The following GALK2 variants were observed in gnomAD, a reference collection of about 807,000 sequenced individuals.
The protein encoded by GALK2 is galactokinase 2.
In GALK2, 36 loss-of-function variants were observed where a neutral mutation model predicts 52.4. The observed-to-expected ratio is 0.69, with a 90% CI of 0.53 to 0.91. The LOEUF (loss-of-function observed/expected upper bound fraction) is 0.91. Ranked by LOEUF, GALK2 falls within the 40% of genes least tolerant of loss-of-function variation. The probability of loss-of-function intolerance (pLI) is 0.00; values close to 1 mark genes in which losing one functional copy is unlikely to be tolerated. For synonymous variants in GALK2, 176 were observed against 199.1 expected (o/e 0.88, Z 0.98); for missense variants, 579 against 559.1 (o/e 1.04, Z -0.36).
chr15:49,320,662 A>G (rs1981995), intron 9 of GALK2, among the ~76,000 whole-genome samples: 62,744 of 152,108 alleles, frequency 0.41, 13,092 homozygotes, highest in African/African-American at 0.43. Flanking sequence ...TAAACCAAGT[A>G]ACTCCAGTGA....
At chr15:49,185,116 C>T (rs2086251797) in intron 1 of GALK2, among the ~76,000 whole-genome samples, 1 of 152,138 alleles carries the variant, frequency 6.6e-6, no homozygotes, top group Non-Finnish European at 1.5e-5. Context: ...TTTTTCAACC[C>T]ATACCCCACT....
chr15:49,351,580 T>TA (rs1482784893), intron 3 of GALK2, among the ~76,000 whole-genome samples: 1 of 152,206 alleles, frequency 6.6e-6, no homozygotes, highest in Non-Finnish European at 1.5e-5. Flanking sequence ...AACTAACACA[T>TA]ACACCGTCCC....
intron 5 of GALK2, among the ~76,000 whole-genome samples, chr15:49,250,388 G>T (rs2091538958): frequency 6.6e-6 from 1 of 152,148 alleles, no homozygotes; most frequent in South Asian, 2.1e-4. Flanking sequence ...TTTCATGAGA[G>T]TAAAAGATGT....
rs559006356 is a variant in GALK2, at chr15:49,346,116, T to G, written c.427-21375T>G. On this transcript the variant is annotated intron_variant, in intron 3 of 3. Coordinates refer to the GALK2 transcript ENST00000558399. ...TGCTGCTGAACACGAAACTTAACCT[T>G]TACTGGCTGCTTGATAGATACCATC... 9.2e-5 allele frequency among the ~76,000 whole-genome samples: 14 copies of G among 152,162 alleles called. 1 individual carries two copies. The highest frequency in any genetic ancestry group is 2.9e-4 in the African/African-American group (12 of 41,524).
chr15:49,163,710 T>G (rs1365296647), intron 1 of GALK2, among the ~76,000 whole-genome samples: 3 of 152,240 alleles, frequency 2.0e-5, no homozygotes, highest in Admixed American at 1.3e-4. Flanking sequence ...TACAATTATT[T>G]CCATTTATTC....
At chr15:49,156,195 C>A in intron 1 of GALK2, 1 of 634,350 alleles carries the variant, frequency 1.6e-6, no homozygotes, top group Non-Finnish European at 2.8e-6. Context: ...AGTTGAGTTG[C>A]CTTAAATCTT....
At chr15:49,325,571 G>A (rs2037336779) in intron 9 of GALK2, among the ~76,000 whole-genome samples, 1 of 152,212 alleles carries the variant, frequency 6.6e-6, no homozygotes, top group African/African-American at 2.4e-5. Flanking sequence ...TACCAGCAGG[G>A]AACACTGCAG....
At chr15:49,233,192 A>G (rs577227379) in intron 3 of GALK2, among the ~76,000 whole-genome samples, 2 of 152,330 alleles carry the variant, frequency 1.3e-5, no homozygotes, top group South Asian at 2.1e-4. Context: ...CAGGAAACTT[A>G]CAAGCATGGT....
At chr15:49,296,887 C>G (rs2141843898) in intron 8 of GALK2, among the ~76,000 whole-genome samples, 1 of 152,328 alleles carries the variant, frequency 6.6e-6, no homozygotes. Context: ...GCGTGAGCCA[C>G]TGCACCTGTC....
intron 1 of GALK2, among the ~76,000 whole-genome samples, chr15:49,182,403 C>T (rs1026506776): frequency 6.6e-6 from 1 of 152,164 alleles, no homozygotes; most frequent in Non-Finnish European, 1.5e-5. Flanking sequence ...TGTTGCTGGA[C>T]ACTTAGGTTG....
chr15:49,333,293 CTT>C (rs2039133790), downstream of GALK2, among the ~76,000 whole-genome samples: 1 of 152,128 alleles, frequency 6.6e-6, no homozygotes, highest in African/African-American at 2.4e-5. Flanking sequence ...ATGAGTATCT[CTT>C]TTGAAGATTA....
At chr15:49,233,055 A>G (rs761414407) in intron 3 of GALK2, among the ~76,000 whole-genome samples, 10 of 152,086 alleles carry the variant, frequency 6.6e-5, no homozygotes, top group Non-Finnish European at 1.0e-4. Context: ...CTTGTTACCA[A>G]TTTTCCATAT....
Position 49,254,091 on chromosome 15 carries a change from C to G in GALK2, c.504+14724C>G, listed in dbSNP as rs921887583. Among the ~76,000 whole-genome samples the G allele has an allele frequency of 1.6e-4, 23 of 144,722 alleles. 2 individuals carry two copies. Among genetic ancestry groups the G allele is most frequent in the African/African-American group, 5.7e-4 (23 of 40,378 alleles). The allele number at this position is 144,722 out of a possible 152,430, so 94.9% of individuals were successfully genotyped here. A position where few individuals can be genotyped will look rare whatever the true frequency, so the allele number is the denominator to read the frequency against. On this transcript the variant is annotated intron_variant, in intron 5 of 9. Coordinates refer to ENST00000560031, the MANE Select transcript of GALK2 (RefSeq NM_002044.4). Reference sequence around the variant, plus strand: ...TAAAGAGAGATGATTGTATCACTTTCTTATGAGCATCTTTACAGTGCCTGA... The same window carrying G: ...TAAAGAGAGATGATTGTATCACTTTGTTATGAGCATCTTTACAGTGCCTGA...
intron 3 of GALK2, among the ~76,000 whole-genome samples, chr15:49,230,906 A>C (rs566640206): frequency 6.6e-6 from 1 of 152,236 alleles, no homozygotes; most frequent in Non-Finnish European, 1.5e-5. Context: ...ATTGGTGGGA[A>C]AATGAGTGGT....
chr15:49,217,233 T>C lies in GALK2; in HGVS notation c.186T>C (p.Ala62=), dbSNP rs925099273. The change falls in exon 3 of 10, where the codon GCT becomes GCC. Residue 62 remains alanine (A), a synonymous_variant. Coordinates refer to ENST00000560031, the MANE Select transcript of GALK2 (RefSeq NM_002044.4). ...GTGGATATTCTGTTCTTCCTATGGC[T>C]GTAGAACAAGATGTGCTAATAGCTG... is the stretch of plus-strand genomic sequence containing the variant. The part of the protein sequence containing the change: ...DYCGYSVLPM[A]VEQDVLIAVE... 3 of 1,611,688 alleles carry C rather than the reference T, an allele frequency of 1.9e-6. No individual in the cohort carries two copies. The highest frequency in any genetic ancestry group is 1.3e-5 in the African/African-American group (1 of 74,890).
intron 1 of GALK2, among the ~76,000 whole-genome samples, chr15:49,182,568 T>C (rs2086056211): frequency 6.6e-6 from 1 of 152,204 alleles, no homozygotes; most frequent in Non-Finnish European, 1.5e-5. Flanking sequence ...ACCTCTCAAC[T>C]GTTCTCGGTA....
chr15:49,217,162 G>C lies in GALK2; in HGVS notation c.143-28G>C, dbSNP rs200083524. On this transcript the variant is annotated intron_variant, in intron 2 of 9. Transcript: ENST00000560031. ...TGCTTTTGTTTTATATATTAGCAAT[G>C]ATTAAAAAAGCTTTCTCTTTTTTCT... is the stretch of plus-strand genomic sequence containing the variant. 5 of 1,590,334 alleles carry C rather than the reference G, an allele frequency of 3.1e-6. No individual in the cohort carries two copies. The East Asian group carries it at 1.1e-4, about 36-fold the overall frequency.
At chr15:49,354,036 T>A (rs2042661575) in intron 3 of GALK2, 1 of 152,244 alleles carries the variant, frequency 6.6e-6, no homozygotes, top group Admixed American at 6.5e-5. Context: ...GTGACACTTC[T>A]GGAGTCTCAG....
intron 3 of GALK2, among the ~76,000 whole-genome samples, chr15:49,232,073 A>T (rs2090532972): frequency 6.6e-6 from 1 of 152,232 alleles, no homozygotes; most frequent in South Asian, 2.1e-4. Context: ...GTACTGCCCT[A>T]GTAGAGATTC....
Sources: gnomAD v4.1 joint callset for allele counts (sites outside exome capture counted in the v4.1 genomes callset) on GRCh38, gnomAD v4.1.1 for gene constraint, MANE v1.5 for transcripts, NCBI Gene and HGNC (gene_info 2026-07-23, HGNC 2026-07-21) for gene names.